The following ECD variants were observed in gnomAD, a reference collection of about 807,000 sequenced individuals.
ECD encodes protein ecdysoneless homolog.
Under a neutral mutation model 77.2 loss-of-function variants are expected in ECD, and 59 were observed. The ratio of observed to expected loss-of-function variants is 0.76; its 90% confidence interval spans 0.62 to 0.95. The LOEUF (loss-of-function observed/expected upper bound fraction) is 0.95, where lower values mean the gene tolerates loss of function less well. Ranked by LOEUF, ECD falls within the 40% of genes least tolerant of loss-of-function variation. The pLI is 0.00. For missense variants in ECD, 704 were observed against 763.4 expected (o/e 0.92, Z 0.92); for synonymous variants, 233 against 267.4 (o/e 0.87, Z 1.26).
At chr10:73,167,790 G>A (rs918570183) in intron 1 of ECD, 76 bp downstream of exon 1, 1 of 155,716 alleles carries the variant, frequency 6.4e-6, no homozygotes, top group African/African-American at 2.4e-5. Context: ...GCAGGGGCTT[G>A]ACTTGGAGTC....
intron 5 of ECD, 40 bp from the exon 6 acceptor site, chr10:73,154,488 T>C (rs1367627750): frequency 6.6e-7 from 1 of 1,521,482 alleles, no homozygotes; most frequent in African/African-American, 1.4e-5. Context: ...TTACAGTATA[T>C]AAATACCTAT....
In ECD at chr10:73,139,467, ATCTGGTGAGAGATC is replaced by A. The variant is rs1222620369; in HGVS notation, c.1249_1262del (p.Asp417SerfsTer28). On this transcript the variant is annotated frameshift_variant, in exon 11 of 14. Transcript: ENST00000372979. LOFTEE classifies it high-confidence loss of function. ...CTTCCTGCAGCAGCTGGTCCAGCTG[ATCTGGTGAGAGATC>A]TAACCACTGGTCATCTGAAAAAGAA... is the stretch of plus-strand genomic sequence containing the variant. 3 of 1,613,894 alleles carry A rather than the reference ATCTGGTGAGAGATC, an allele frequency of 1.9e-6. No homozygotes were observed. Among genetic ancestry groups the A allele is most frequent in the Non-Finnish European group, 2.5e-6 (3 of 1,180,000 alleles).
intron 5 of ECD, 130 bp from the exon 6 acceptor site, chr10:73,154,578 A>G (rs1843271891): frequency 1.2e-6 from 1 of 824,058 alleles, no homozygotes; most frequent in African/African-American, 1.7e-5. Context: ...AGAGAGATGA[A>G]AAAAGATACT....
chr10:73,141,971 T>G (rs1487365240), intron 9 of ECD, among the ~76,000 whole-genome samples: 1 of 152,170 alleles, frequency 6.6e-6, no homozygotes, highest in African/African-American at 2.4e-5. Context: ...TTTTTCTTTT[T>G]CTAAGACAGG....
rs1003977371 is a variant in ECD, at chr10:73,154,417, G to A, written c.622C>T (p.Arg208Ter). The A allele has an allele frequency of 6.8e-6, 11 of 1,611,690 alleles. No homozygotes were observed. The highest frequency in any genetic ancestry group is 6.8e-6 in the Non-Finnish European group (8 of 1,179,460). ...YPEKIQASLH[R>*]AHCFLPAGIV... Reference sequence around the variant, plus strand: ...CCAGCTGGAAGGAAGCAGTGTGCTCGATGAAGTGAGGCCTGAATTTTTTCT... The same window carrying A: ...CCAGCTGGAAGGAAGCAGTGTGCTCAATGAAGTGAGGCCTGAATTTTTTCT... Residue 208 changes from arginine to a stop codon, truncating the protein, a stop_gained, in exon 6 of 14, where the codon CGA (arginine) becomes TGA (stop). Transcript: ENST00000372979. LOFTEE classifies it high-confidence loss of function.
Position 73,136,049 on chromosome 10 carries a change from C to G in ECD, c.1704+655G>C, listed in dbSNP as rs1842970865. Among the ~76,000 whole-genome samples the G allele has an allele frequency of 2.6e-5, 4 of 152,226 alleles. No homozygotes were observed. In the South Asian group the frequency reaches 8.3e-4, roughly 32 times the overall value. On this transcript the variant is annotated intron_variant, in intron 13 of 13. Coordinates refer to ENST00000372979, the MANE Select transcript of ECD (RefSeq NM_007265.3). ...TGTTAATTTTATGATATGAGGATTA[C>G]TGGTTTATAGATACATTCACAGTGG... is the stretch of plus-strand genomic sequence containing the variant.
intron 6 of ECD, among the ~76,000 whole-genome samples, chr10:73,152,794 C>G (rs183284052): frequency 1.3e-5 from 2 of 151,934 alleles, no homozygotes; most frequent in Non-Finnish European, 2.9e-5. Flanking sequence ...CGCCTCTAAT[C>G]CCAGCTACTC....
intron 7 of ECD, among the ~76,000 whole-genome samples, chr10:73,151,022 C>A (rs905769146): frequency 6.6e-6 from 1 of 152,166 alleles, no homozygotes; most frequent in African/African-American, 2.4e-5. Flanking sequence ...CATCCCATTA[C>A]TGGGTATATG....
Position 73,136,872 on chromosome 10 carries a change from G to T in ECD, c.1536C>A (p.Asp512Glu), listed in dbSNP as rs535058684. The T allele has an allele frequency of 1.2e-4, 190 of 1,613,930 alleles. 3 individuals carry two copies. The South Asian group carries it at 1.7e-3, about 15-fold the overall frequency. The part of the protein sequence containing the change: ...ESDSDDLDDE[D>E]FECLDSDDDL... The stretch of plus-strand genomic sequence containing the variant: ...CATCATCACTATCTAAACATTCAAA[G>T]TCTTCATCATCCAGATCATCAGAAT... The change falls in exon 13 of 14, where the codon GAC becomes GAA. Residue 512 changes from aspartate to glutamate, a missense_variant. Physicochemically the swap from Asp to Glu is conservative, Grantham distance 45. Coordinates refer to ENST00000372979, the MANE Select transcript of ECD (RefSeq NM_007265.3).
intron 2 of ECD, among the ~76,000 whole-genome samples, chr10:73,160,915 A>G (rs995443163): frequency 6.6e-6 from 1 of 152,254 alleles, no homozygotes; most frequent in Non-Finnish European, 1.5e-5. Flanking sequence ...ATGTATGTAT[A>G]GAGTATTCTG....
chr10:73,156,422 A>T lies in ECD; in HGVS notation c.443T>A (p.Ile148Asn). 2.5e-6 allele frequency: 4 copies of T among 1,610,890 alleles called. No individual in the cohort carries two copies. Among genetic ancestry groups the T allele is most frequent in the Non-Finnish European group, 3.4e-6 (4 of 1,179,088 alleles). Reference sequence around the variant, plus strand: ...TGCTCCAGATTTTCTTGGTGCAGGGATAATACACAATTCCCCATGGCAGAA... The same window carrying T: ...TGCTCCAGATTTTCTTGGTGCAGGGTTAATACACAATTCCCCATGGCAGAA... The part of the protein sequence containing the change: ...VFFCHGELCI[I>N]PAPRKSGAES... Residue 148 changes from isoleucine (I) to asparagine (N), a missense_variant, in exon 5 of 14, where the codon ATC becomes AAC. Physicochemically the swap from Ile to Asn is moderately radical, Grantham distance 149. This residue lies in a region of ECD where 559 missense variants were observed against 583.7 expected (regional missense o/e 0.96). Coordinates refer to ENST00000372979, the MANE Select transcript of ECD (RefSeq NM_007265.3).
chr10:73,135,827 CATG>C (rs1397901487), intron 13 of ECD, among the ~76,000 whole-genome samples: 14 of 152,058 alleles, frequency 9.2e-5, no homozygotes, highest in African/African-American at 2.9e-4. Context: ...TATGTTGTAA[CATG>C]ATCTTTTGGT....
Position 73,146,278 on chromosome 10 carries a change from T to C in ECD, c.1125A>G (p.Glu375=). 2 of 1,596,816 alleles carry C rather than the reference T, an allele frequency of 1.3e-6. No homozygotes were observed. Among genetic ancestry groups the C allele is most frequent in the East Asian group, 4.5e-5 (2 of 44,760 alleles). ...NYFQLSVDWP[E]SSLAMSPGEE... Reference sequence around the variant, plus strand: ...TAGGAGTCTTAACAATAACTCACCTTTCTGGCCAGTCTACTGAGAGCTGGA... The same window carrying C: ...TAGGAGTCTTAACAATAACTCACCTCTCTGGCCAGTCTACTGAGAGCTGGA... The change falls in exon 9 of 14, where the codon GAA becomes GAG. Residue 375 remains glutamate (E), a splice_region_variant and synonymous_variant. Transcript: ENST00000372979.
Position 73,163,964 on chromosome 10 carries a change from T to C in ECD, c.-13-14A>G. On this transcript the variant is annotated splice_polypyrimidine_tract_variant and intron_variant, in intron 1 of 13. Transcript: ENST00000372979. Reference sequence around the variant, plus strand: ...CTTCTTTGAAAACTATGTTTAAAGTTCCAAAATATAAACCACATAGAACAA... The same window carrying C: ...CTTCTTTGAAAACTATGTTTAAAGTCCCAAAATATAAACCACATAGAACAA... 6.2e-7 allele frequency: 1 copy of C among 1,608,494 alleles called. No homozygotes were observed. The highest frequency in any genetic ancestry group is 1.3e-5 in the African/African-American group (1 of 74,740).
At chr10:73,163,617 G>T in intron 2 of ECD, 116 bp downstream of exon 2, 1 of 969,764 alleles carries the variant, frequency 1.0e-6, no homozygotes, top group Middle Eastern at 3.4e-4. Flanking sequence ...CATCTAAAAA[G>T]TTTAGTGTAT....
chr10:73,142,495 A>G (rs772917016), intron 9 of ECD, among the ~76,000 whole-genome samples: 2 of 151,904 alleles, frequency 1.3e-5, no homozygotes, highest in Non-Finnish European at 2.9e-5. Context: ...TTAGCCAGGT[A>G]TGATGGCACG....
chr10:73,156,786 A>G (rs1843302698), intron 3 of ECD, 131 bp from the exon 4 acceptor site: 1 of 747,046 alleles, frequency 1.3e-6, no homozygotes, highest in Non-Finnish European at 2.2e-6. Context: ...GCAGATGGCT[A>G]TAAGAAAGCA....
intron 9 of ECD, 112 bp from the exon 10 acceptor site, chr10:73,139,849 GTTTT>G (rs79373628): frequency 4.9e-4 from 214 of 435,372 alleles, no homozygotes; most frequent in Non-Finnish European, 5.8e-4. Flanking sequence ...TTTGGGGAGT[GTTTT>G]TTTTTTTTTT....
At chr10:73,160,334 G>A in intron 3 of ECD, 100 bp downstream of exon 3, 1 of 735,164 alleles carries the variant, frequency 1.4e-6, no homozygotes, top group Non-Finnish European at 2.1e-6. Context: ...ACAATTTCCA[G>A]CAGACTACAG....
Sources: allele counts gnomAD v4.1 joint callset (sites outside exome capture counted in the v4.1 genomes callset), GRCh38; gene constraint gnomAD v4.1.1; regional missense constraint gnomAD v4.1.1; transcripts MANE v1.5; gene names NCBI Gene and HGNC (gene_info 2026-07-23, HGNC 2026-07-21).